The following PCDH9 variants were observed in gnomAD, a reference collection of about 807,000 sequenced individuals.
PCDH9 encodes the protein protocadherin 9.
PCDH9 carries 24 observed loss-of-function variants against 70.6 expected under a neutral mutation model. That is an observed-to-expected ratio of 0.34 (90% CI 0.25 to 0.48). PCDH9 has a LOEUF of 0.48. PCDH9 is among the 20% of genes least tolerant of loss of function. The pLI is 0.99. For synonymous variants in PCDH9, 562 were observed against 558.5 expected, an observed-to-expected ratio of 1.01 and a Z score of -0.09; for missense variants, 1,281 against 1,503.6, an observed-to-expected ratio of 0.85 and a Z score of 2.45.
chr13:66,555,200 C>A (rs1233456092), intron 4 of PCDH9, among the ~76,000 whole-genome samples: 5 of 151,990 alleles, frequency 3.3e-5, no homozygotes, highest in African/African-American at 1.2e-4. Flanking sequence ...ATAAATGCTT[C>A]TTGTATTTTA....
At chr13:67,151,966 A>G (rs73509463) in intron 2 of PCDH9, among the ~76,000 whole-genome samples, 11,843 of 150,150 alleles carry the variant, frequency 0.079, 946 homozygotes, top group African/African-American at 0.21. Flanking sequence ...TGAATGAACT[A>G]AAAGACTCTT....
intron 3 of PCDH9, among the ~76,000 whole-genome samples, chr13:66,675,612 T>C (rs943082666): frequency 6.6e-6 from 1 of 152,156 alleles, no homozygotes; most frequent in Non-Finnish European, 1.5e-5. Flanking sequence ...AACCAGTGGC[T>C]TAACCAAATT....
intron 2 of PCDH9, among the ~76,000 whole-genome samples, chr13:66,912,397 T>C (rs1225628274): frequency 6.6e-6 from 1 of 152,148 alleles, no homozygotes; most frequent in Non-Finnish European, 1.5e-5. Context: ...TTCCATTAAC[T>C]GCATATATGA....
At chr13:66,870,777 G>T (rs1331955426) in intron 3 of PCDH9, among the ~76,000 whole-genome samples, 6 of 152,060 alleles carry the variant, frequency 3.9e-5, no homozygotes, top group East Asian at 3.9e-4. Context: ...GGAACACTTT[G>T]ACACTGGTGG....
intron 3 of PCDH9, among the ~76,000 whole-genome samples, chr13:66,819,167 C>T (rs183732009): frequency 1.5e-4 from 23 of 152,122 alleles, no homozygotes; most frequent in Non-Finnish European, 2.5e-4. Flanking sequence ...CTGTGAAAAT[C>T]ATATTCTAAA....
chr13:66,457,908 C>T (rs1287548531), intron 4 of PCDH9, among the ~76,000 whole-genome samples: 2 of 151,910 alleles, frequency 1.3e-5, no homozygotes, highest in Admixed American at 1.3e-4. Flanking sequence ...ACTCCAATCC[C>T]TTAAATCGTT....
chr13:66,536,402 TA>T (rs1044938292), intron 4 of PCDH9, among the ~76,000 whole-genome samples: 13 of 152,118 alleles, frequency 8.5e-5, no homozygotes, highest in African/African-American at 3.1e-4. Context: ...TTTTAAACAT[TA>T]AAAGTAAACT....
At chr13:66,317,730 G>A (rs1038637749) in intron 4 of PCDH9, among the ~76,000 whole-genome samples, 1 of 151,228 alleles carries the variant, frequency 6.6e-6, no homozygotes, top group African/African-American at 2.4e-5. Flanking sequence ...TAAGTGGGAG[G>A]ATATTTAAGA....
intron 3 of PCDH9, among the ~76,000 whole-genome samples, chr13:66,840,917 A>T (rs533960356): frequency 6.6e-6 from 1 of 152,174 alleles, no homozygotes; most frequent in Admixed American, 6.6e-5. Context: ...AATTAGAGAG[A>T]GATGAAGTCA....
chr13:66,320,965 T>C (rs1267926752), intron 4 of PCDH9, among the ~76,000 whole-genome samples: 1 of 152,016 alleles, frequency 6.6e-6, no homozygotes, highest in Non-Finnish European at 1.5e-5. Flanking sequence ...GGAGTGTTTT[T>C]CGCTAAATCT....
chr13:66,973,968 C>T (rs2083570081), intron 2 of PCDH9, among the ~76,000 whole-genome samples: 1 of 151,848 alleles, frequency 6.6e-6, no homozygotes. Flanking sequence ...TGCTATTTTG[C>T]TTAACAGGAG....
chr13:66,680,852 C>T (rs544541728), intron 3 of PCDH9, among the ~76,000 whole-genome samples: 7 of 151,844 alleles, frequency 4.6e-5, no homozygotes, highest in Admixed American at 3.3e-4. Context: ...CAATATCATC[C>T]AACAAAAAGA....
intron 4 of PCDH9, among the ~76,000 whole-genome samples, chr13:66,508,347 G>C (rs9529074): frequency 6.6e-6 from 1 of 151,820 alleles, no homozygotes; most frequent in Non-Finnish European, 1.5e-5. Context: ...TGGTGGTTGC[G>C]CAACATTGTT....
chr13:67,087,791 T>G (rs150479193), intron 2 of PCDH9, among the ~76,000 whole-genome samples: 1 of 152,246 alleles, frequency 6.6e-6, no homozygotes, highest in African/African-American at 2.4e-5. Context: ...TTACTTTTGC[T>G]TCCTCTGTTG....
At chr13:66,465,544 G>A (rs957791706) in intron 4 of PCDH9, among the ~76,000 whole-genome samples, 3 of 151,616 alleles carry the variant, frequency 2.0e-5, no homozygotes, top group African/African-American at 4.8e-5. Context: ...ACAGTATACC[G>A]TCTAGTTTTA....
At chr13:67,118,605 C>T (rs1191120659) in intron 2 of PCDH9, among the ~76,000 whole-genome samples, 1 of 152,112 alleles carries the variant, frequency 6.6e-6, no homozygotes. Context: ...ATAAACATGA[C>T]TTCTTGCAAG....
intron 4 of PCDH9, among the ~76,000 whole-genome samples, chr13:66,348,989 A>T (rs1009974189): frequency 6.6e-6 from 1 of 152,162 alleles, no homozygotes; most frequent in Non-Finnish European, 1.5e-5. Flanking sequence ...TATAAATGAG[A>T]TGCCAAAAAT....
At chr13:67,130,760 A>G (rs1194113633) in intron 2 of PCDH9, among the ~76,000 whole-genome samples, 1 of 152,136 alleles carries the variant, frequency 6.6e-6, no homozygotes, top group Admixed American at 6.6e-5. Context: ...GCAGCAAGCC[A>G]TATTGCCCAG....
At chr13:66,448,350 G>A (rs1230512928) in intron 4 of PCDH9, among the ~76,000 whole-genome samples, 1 of 152,206 alleles carries the variant, frequency 6.6e-6, no homozygotes, top group Non-Finnish European at 1.5e-5. Context: ...GATGTGTGCA[G>A]TAAACTGAGT....
Sources: gnomAD v4.1 joint callset for allele counts (sites outside exome capture counted in the v4.1 genomes callset) on GRCh38, gnomAD v4.1.1 for gene constraint, MANE v1.5 for transcripts, NCBI Gene and HGNC (gene_info 2026-07-23, HGNC 2026-07-21) for gene names.